Variants in PIP5K1B observed in about 807,000 individuals in gnomAD.
PIP5K1B encodes the protein phosphatidylinositol 4-phosphate 5-kinase type-1 beta.
A neutral mutation model predicts 67.0 loss-of-function variants in PIP5K1B; 42 were observed. The observed-to-expected ratio is 0.63, with a 90% CI of 0.49 to 0.81. The LOEUF is 0.81. PIP5K1B is among the 30% of genes least tolerant of loss of function. PIP5K1B has a pLI of 0.00. For synonymous variants in PIP5K1B, 214 were observed against 231.4 expected (o/e 0.92, Z 0.68); for missense variants, 459 against 646.3 (o/e 0.71, Z 3.14).
chr9:68,900,833 C>T (rs1350004697), intron 8 of PIP5K1B, among the ~76,000 whole-genome samples: 4 of 152,072 alleles, frequency 2.6e-5, no homozygotes, highest in African/African-American at 9.7e-5. Flanking sequence ...CTCAAGAATA[C>T]TGAAACTTTC....
At chr9:68,740,439 C>T (rs1828949553) in intron 1 of PIP5K1B, among the ~76,000 whole-genome samples, 1 of 152,194 alleles carries the variant, frequency 6.6e-6, no homozygotes, top group Non-Finnish European at 1.5e-5. Context: ...GTGGCTGTTA[C>T]ATGTGTAGTT....
intron 1 of PIP5K1B, among the ~76,000 whole-genome samples, chr9:68,730,796 G>C (rs1828387465): frequency 6.6e-6 from 1 of 152,178 alleles, no homozygotes; most frequent in Admixed American, 6.5e-5. Context: ...GGGTGGGTAG[G>C]CTTTATGTAT....
intron 1 of PIP5K1B, among the ~76,000 whole-genome samples, chr9:68,714,030 C>T (rs781423018): frequency 2.6e-5 from 4 of 152,260 alleles, no homozygotes; most frequent in Non-Finnish European, 4.4e-5. Context: ...AGCCCATACT[C>T]TTTTTCTCTG....
intron 4 of PIP5K1B, among the ~76,000 whole-genome samples, chr9:68,838,385 C>G (rs7861710): frequency 0.7 from 106,839 of 152,080 alleles, 37,815 homozygotes; most frequent in Admixed American, 0.77. Flanking sequence ...AAAACAAATG[C>G]CTCTTGTACT....
chr9:68,793,088 T>A, intron 2 of PIP5K1B, among the ~76,000 whole-genome samples: 1 of 151,792 alleles, frequency 6.6e-6, no homozygotes. Context: ...TATGTGTGTA[T>A]GTGTATACAC....
chr9:68,958,840 T>C (rs531187808), intron 14 of PIP5K1B, among the ~76,000 whole-genome samples: 2 of 152,316 alleles, frequency 1.3e-5, no homozygotes, highest in South Asian at 2.1e-4. Context: ...TTTTTTCACA[T>C]TTCCTCAGAA....
At chr9:68,906,122 G>A (rs1158618834) in intron 8 of PIP5K1B, among the ~76,000 whole-genome samples, 3 of 152,062 alleles carry the variant, frequency 2.0e-5, no homozygotes, top group Non-Finnish European at 1.5e-5. Context: ...GGGCTCAAGC[G>A]ATCCTCCCAA....
Position 68,822,598 on chromosome 9 carries a change from G to A in PIP5K1B, c.1-17G>A, listed in dbSNP as rs754310322. ...GAGTAACATTGAAGTTCAAAGGGCAGTGTGTTTCTCTTGTAGATGTCTTCT... is the reference window on the plus strand; with the variant it reads ...GAGTAACATTGAAGTTCAAAGGGCAATGTGTTTCTCTTGTAGATGTCTTCT... On this transcript the variant is annotated splice_polypyrimidine_tract_variant and intron_variant, in intron 3 of 15. Transcript: ENST00000265382. 5.0e-6 allele frequency: 8 copies of A among 1,589,894 alleles called. No individual in the cohort carries two copies. The Admixed American group carries it at 1.0e-4, about 20-fold the overall frequency.
At chr9:68,918,087 A>ATTTTTTTTTTTTTTTTTTTTTTTT (rs200797718) in intron 9 of PIP5K1B, among the ~76,000 whole-genome samples, 1 of 133,018 alleles carries the variant, frequency 7.5e-6, no homozygotes, top group African/African-American at 2.6e-5. Context: ...TTTATTGTTT[A>ATTTTTTTTTTTTTTTTTTTTTTTT]TTTATTTATT....
intron 9 of PIP5K1B, 120 bp downstream of exon 9, chr9:68,917,879 T>A: frequency 1.4e-6 from 1 of 696,666 alleles, no homozygotes; most frequent in African/African-American, 1.8e-5. Context: ...TACTTGGTGC[T>A]AAAATGGGTT....
intron 14 of PIP5K1B, among the ~76,000 whole-genome samples, chr9:68,949,384 A>C (rs947979495): frequency 6.6e-6 from 1 of 152,166 alleles, no homozygotes; most frequent in African/African-American, 2.4e-5. Flanking sequence ...TCTTACCCAC[A>C]CTAGGATATA....
intron 2 of PIP5K1B, chr9:68,788,546 G>A: frequency 3.6e-6 from 1 of 279,210 alleles, no homozygotes; most frequent in South Asian, 3.7e-5. Context: ...AGGAAATAGT[G>A]GTTCCACAGA....
intron 1 of PIP5K1B, among the ~76,000 whole-genome samples, chr9:68,716,405 G>T (rs927084997): frequency 6.6e-6 from 1 of 152,208 alleles, no homozygotes; most frequent in Non-Finnish European, 1.5e-5. Context: ...GAGGGAAGCA[G>T]TTGTTAAGGA....
chr9:68,867,284 G>A lies in PIP5K1B; in HGVS notation c.200+3317G>A, dbSNP rs77208914. On this transcript the variant is annotated intron_variant, in intron 5 of 15. Transcript: ENST00000265382. ...CTCCCACGCCACCCTGGCAGGTGCC[G>A]GCCTCAACATTTGATTCAGACCAAG... 5.2e-3 allele frequency among the ~76,000 whole-genome samples: 795 copies of A among 152,196 alleles called. 16 individuals carry two copies. The highest frequency in any genetic ancestry group is 0.018 in the African/African-American group (746 of 41,532).
intron 4 of PIP5K1B, among the ~76,000 whole-genome samples, chr9:68,845,922 C>G (rs1261586010): frequency 6.6e-6 from 1 of 152,184 alleles, no homozygotes; most frequent in African/African-American, 2.4e-5. Context: ...AGTCTATGTA[C>G]ACATTTAGGA....
chr9:68,884,347 T>C (rs934281551), intron 6 of PIP5K1B, among the ~76,000 whole-genome samples: 5 of 140,130 alleles, frequency 3.6e-5, no homozygotes, highest in Admixed American at 1.4e-4. Flanking sequence ...GACCTAACTA[T>C]ACATTCCTCA....
At chr9:68,817,712 C>CTTTTTTA (rs1833519852) in intron 2 of PIP5K1B, among the ~76,000 whole-genome samples, 1 of 93,636 alleles carries the variant, frequency 1.1e-5, no homozygotes, top group Non-Finnish European at 2.1e-5. Context: ...AGACCTCATT[C>CTTTTTTA]TTTTTTTTTT....
At chr9:68,866,608 A>G (rs1390496206) in intron 5 of PIP5K1B, among the ~76,000 whole-genome samples, 1 of 152,252 alleles carries the variant, frequency 6.6e-6, no homozygotes, top group Non-Finnish European at 1.5e-5. Flanking sequence ...TGTCCGATAG[A>G]GAACTGTGCA....
chr9:68,744,186 A>C (rs1459096739), intron 2 of PIP5K1B, among the ~76,000 whole-genome samples: 1 of 152,178 alleles, frequency 6.6e-6, no homozygotes, highest in African/African-American at 2.4e-5. Context: ...GGACCCACAA[A>C]CCACAGTGAT....
Sources: gnomAD v4.1 joint callset for allele counts (sites outside exome capture counted in the v4.1 genomes callset) on GRCh38, gnomAD v4.1.1 for gene constraint, MANE v1.5 for transcripts, NCBI Gene and HGNC (gene_info 2026-07-23, HGNC 2026-07-21) for gene names.